ADAMTS19: variants seen among roughly 807,000 people sequenced by gnomAD.
ADAMTS19 encodes the protein ADAM metallopeptidase with thrombospondin type 1 motif 19.
A neutral mutation model predicts 153.3 loss-of-function variants in ADAMTS19; 93 were observed. The observed-to-expected ratio is 0.61, with a 90% CI of 0.51 to 0.72. ADAMTS19 has a LOEUF of 0.72. ADAMTS19 is among the 30% of genes least tolerant of loss of function. ADAMTS19 has a pLI of 0.00. For missense variants in ADAMTS19, 1,482 were observed against 1,552.1 expected (o/e 0.95, Z 0.76); for synonymous variants, 600 against 556.6 (o/e 1.08, Z -1.10).
At chr5:129,651,192 A>G (rs1334780580) in intron 13 of ADAMTS19, among the ~76,000 whole-genome samples, 1 of 152,196 alleles carries the variant, frequency 6.6e-6, no homozygotes, top group Non-Finnish European at 1.5e-5. Context: ...AAATATGCAA[A>G]TAATACATGA....
chr5:129,664,547 G>C (rs977745592), intron 15 of ADAMTS19, among the ~76,000 whole-genome samples: 1 of 151,968 alleles, frequency 6.6e-6, no homozygotes, highest in Non-Finnish European at 1.5e-5. Context: ...ACCACCAGGG[G>C]GGGTATATGC....
intron 7 of ADAMTS19, among the ~76,000 whole-genome samples, chr5:129,570,095 T>C (rs1753843514): frequency 6.6e-6 from 1 of 151,954 alleles, no homozygotes; most frequent in Non-Finnish European, 1.5e-5. Flanking sequence ...TTTATGCTCC[T>C]GGGAAATCAA....
chr5:129,494,734 T>A (rs1306344292), intron 2 of ADAMTS19, among the ~76,000 whole-genome samples: 1 of 152,218 alleles, frequency 6.6e-6, no homozygotes, highest in Admixed American at 6.5e-5. Flanking sequence ...ATATTATCGA[T>A]GGCCATATTG....
At chr5:129,576,586 CTT>C (rs79974624) in intron 7 of ADAMTS19, among the ~76,000 whole-genome samples, 20 of 140,594 alleles carry the variant, frequency 1.4e-4, no homozygotes, top group Admixed American at 2.9e-4. Flanking sequence ...TTGCTTTATT[CTT>C]TTTTTTTTTT....
chr5:129,623,911 G>A (rs1301137432), intron 10 of ADAMTS19, among the ~76,000 whole-genome samples: 1 of 151,616 alleles, frequency 6.6e-6, no homozygotes, highest in East Asian at 1.9e-4. Flanking sequence ...ACGAGGTCAG[G>A]AGATCGAGAC....
At chr5:129,504,659 A>G (rs574013788) in intron 2 of ADAMTS19, among the ~76,000 whole-genome samples, 148 of 151,920 alleles carry the variant, frequency 9.7e-4, no homozygotes, top group African/African-American at 3.5e-3. Flanking sequence ...CATCTTCCCA[A>G]ACTCCCTTTC....
chr5:129,735,089 C>A lies in ADAMTS19; in HGVS notation c.3470C>A (p.Thr1157Asn). Residue 1157 changes from threonine (T) to asparagine (N), a missense_variant, in exon 22 of 23, where the codon ACC (threonine) becomes AAC (asparagine). Physicochemically the swap from Thr to Asn is moderately conservative, Grantham distance 65. Transcript: ENST00000274487. ...QPCNEKINVN[T>N]ITSPRLAALT... ...TGCAATGAGAAAATTAATGTAAATACCATAACATCACCCAGACTGGGTAAG... is the reference window on the plus strand; with the variant it reads ...TGCAATGAGAAAATTAATGTAAATAACATAACATCACCCAGACTGGGTAAG... 6.3e-7 allele frequency: 1 copy of A among 1,598,252 alleles called. No individual in the cohort carries two copies. The highest frequency in any genetic ancestry group is 8.5e-7 in the Non-Finnish European group (1 of 1,173,876).
At chr5:129,704,525 T>C (rs1756057773) in intron 21 of ADAMTS19, 134 bp downstream of exon 21, 1 of 1,001,030 alleles carries the variant, frequency 1.0e-6, no homozygotes, top group African/African-American at 1.7e-5. Flanking sequence ...TGGGGCAGAT[T>C]CTGGCTGGCT....
Position 129,460,490 on chromosome 5 carries a change from C to A in ADAMTS19, c.91+8C>A, listed in dbSNP as rs1394783106. The A allele has an allele frequency of 7.4e-6, 12 of 1,613,964 alleles. No individual in the cohort carries two copies. The Admixed American group carries it at 8.3e-5, about 11-fold the overall frequency. On this transcript the variant is annotated splice_region_variant and intron_variant, in intron 1 of 22. Transcript: ENST00000274487. ...CGAATGGGATCGTTTCAGGTAAGTT[C>A]TTCCGTGACTTTCTCGCTTCCTTTC... is the stretch of plus-strand genomic sequence containing the variant.
chr5:129,471,012 C>G (rs1179879228), intron 2 of ADAMTS19, among the ~76,000 whole-genome samples: 1 of 137,344 alleles, frequency 7.3e-6, no homozygotes, highest in Non-Finnish European at 1.5e-5. Context: ...GCCATTTGAC[C>G]ATGCTCCTTG....
At chr5:129,610,029 A>C (rs1173569699) in intron 8 of ADAMTS19, among the ~76,000 whole-genome samples, 2 of 152,034 alleles carry the variant, frequency 1.3e-5, no homozygotes, top group East Asian at 1.9e-4. Context: ...TAAATAATTA[A>C]AGGAAGTAAA....
intron 21 of ADAMTS19, among the ~76,000 whole-genome samples, chr5:129,731,936 C>T (rs1757458809): frequency 6.6e-6 from 1 of 151,932 alleles, no homozygotes; most frequent in Non-Finnish European, 1.5e-5. Context: ...GTAAATAAAT[C>T]ATTATTTTCA....
At chr5:129,518,394 G>A (rs1751683912) in intron 3 of ADAMTS19, among the ~76,000 whole-genome samples, 1 of 152,052 alleles carries the variant, frequency 6.6e-6, no homozygotes, top group South Asian at 2.1e-4. Flanking sequence ...TGGTATTGCT[G>A]AAATCCCTCA....
intron 7 of ADAMTS19, among the ~76,000 whole-genome samples, chr5:129,587,758 C>T (rs1749892514): frequency 6.6e-6 from 1 of 152,106 alleles, no homozygotes; most frequent in Non-Finnish European, 1.5e-5. Flanking sequence ...TCAAAATCTC[C>T]AGCCTTTTAT....
intron 2 of ADAMTS19, among the ~76,000 whole-genome samples, chr5:129,482,685 C>G (rs974716857): frequency 2.6e-5 from 4 of 152,134 alleles, no homozygotes; most frequent in African/African-American, 9.7e-5. Flanking sequence ...TTATAACAAG[C>G]AAGACCTGTC....
rs143761572 is a variant in ADAMTS19, at chr5:129,671,232, G to A, written c.2506+5653G>A. Among the ~76,000 whole-genome samples, 49 of 152,286 alleles carry A rather than the reference G, an allele frequency of 3.2e-4. 2 individuals are homozygous for A. In the East Asian group the frequency reaches 9.1e-3, roughly 28 times the overall value. On this transcript the variant is annotated intron_variant, in intron 16 of 22. Transcript: ENST00000274487. ...GAATAGAAATAGGAAACACCCAGTA[G>A]CTTCCAGAGACATTGAAGAAGTTGA...
chr5:129,584,631 T>C (rs758602411), intron 7 of ADAMTS19, among the ~76,000 whole-genome samples: 5 of 152,306 alleles, frequency 3.3e-5, no homozygotes, highest in Non-Finnish European at 4.4e-5. Context: ...CTGGCTACAG[T>C]GGCTTTGCAG....
At chr5:129,470,379 G>T (rs1455949124) in intron 2 of ADAMTS19, among the ~76,000 whole-genome samples, 1 of 152,190 alleles carries the variant, frequency 6.6e-6, no homozygotes, top group Non-Finnish European at 1.5e-5. Flanking sequence ...CTGGTAGGTG[G>T]GATATGTTTT....
chr5:129,714,370 G>C lies in ADAMTS19; in HGVS notation c.3312+9979G>C, dbSNP rs529971078. Among the ~76,000 whole-genome samples the C allele has an allele frequency of 6.4e-5, 9 of 140,698 alleles. No homozygotes were observed. The South Asian group carries it at 1.8e-3, about 28-fold the overall frequency. 92.3% of individuals were successfully genotyped at this position (140,698 alleles called of 152,430 possible). A position where few individuals can be genotyped will look rare whatever the true frequency, so the allele number is the denominator to read the frequency against. ...GGAAGCGGAGCTTGCAGTGAGCCGA[G>C]ATTGCGCCACTGCAGTCCGCAGTCC... On this transcript the variant is annotated intron_variant, in intron 21 of 22. Transcript: ENST00000274487.
Sources: gnomAD v4.1 joint callset for allele counts (sites outside exome capture counted in the v4.1 genomes callset) on GRCh38, gnomAD v4.1.1 for gene constraint, MANE v1.5 for transcripts, NCBI Gene and HGNC (gene_info 2026-07-23, HGNC 2026-07-21) for gene names.